WDR37: variants seen among roughly 807,000 people sequenced by gnomAD.
WDR37 encodes WD repeat-containing protein 37.
In WDR37, 19 loss-of-function variants were observed where a neutral mutation model predicts 62.9. The observed-to-expected ratio is 0.30, with a 90% CI of 0.21 to 0.44. The LOEUF (loss-of-function observed/expected upper bound fraction) is 0.44, where lower values mean the gene tolerates loss of function less well. WDR37 is among the 20% of genes least tolerant of loss of function. The pLI is 1.00. For missense variants in WDR37, 474 were observed against 657.6 expected, an observed-to-expected ratio of 0.72 and a Z score of 3.05; for synonymous variants, 250 against 260.9, an observed-to-expected ratio of 0.96 and a Z score of 0.40.
rs1834883991 is a variant in WDR37 at position 1,103,185 on chromosome 10, CTT to C, written c.727-416_727-415del. On this transcript the variant is annotated intron_variant, in intron 9 of 13. Transcript: ENST00000263150. The surrounding 1 kb of genome is among the most constrained non-coding windows in gnomAD (Gnocchi z 6.3). ...ATTCCAAGTATATTTTAAATAGGCT[CTT>C]GAGAATGAAAATGCCTTTTTGTAAT... Among the ~76,000 whole-genome samples, 3 of 152,176 alleles carry C rather than the reference CTT, an allele frequency of 2.0e-5. No homozygotes were observed. In the South Asian group the frequency reaches 6.2e-4, roughly 31 times the overall value.
intron 3 of WDR37, 99 bp from the exon 4 acceptor site, chr10:1,079,912 T>G (rs1047458128): frequency 1.0e-5 from 9 of 877,818 alleles, no homozygotes; most frequent in Non-Finnish European, 1.6e-5. Context: ...TATATAACAC[T>G]AATATATAGC....
Position 1,072,182 on chromosome 10 carries a change from G to C in WDR37, c.27G>C (p.Ser9=). The change falls in exon 2 of 14, where the codon TCG becomes TCC. Residue 9 remains serine, a synonymous_variant. Coordinates refer to ENST00000263150, the MANE Select transcript of WDR37 (RefSeq NM_014023.4). The part of the protein sequence containing the change: MPTESASC[S]TARQTKQKRK... Reference sequence around the variant, plus strand: ...TGCCCACAGAAAGCGCAAGTTGTTCGACTGCTCGCCAAACAAAACAGAAGC... The same window carrying C: ...TGCCCACAGAAAGCGCAAGTTGTTCCACTGCTCGCCAAACAAAACAGAAGC... 6.2e-7 allele frequency: 1 copy of C among 1,614,062 alleles called. No homozygotes were observed. The highest frequency in any genetic ancestry group is 8.5e-7 in the Non-Finnish European group (1 of 1,180,002).
rs772676409 is a variant in WDR37 at position 1,072,205 on chromosome 10, A to G, written c.50A>G (p.Lys17Arg). 1.2e-6 allele frequency: 2 copies of G among 1,614,232 alleles called. No individual in the cohort carries two copies. The highest frequency in any genetic ancestry group is 1.1e-5 in the South Asian group (1 of 91,080). ...SCSTARQTKQ[K>R]RKSHSLSIRR... ...TCGACTGCTCGCCAAACAAAACAGA[A>G]GCGCAAATCCCATAGCCTTTCTATA... Residue 17 changes from lysine (K) to arginine (R), a missense_variant, in exon 2 of 14, where the codon AAG (lysine) becomes AGG (arginine). Coordinates refer to ENST00000263150, the MANE Select transcript of WDR37 (RefSeq NM_014023.4).
intron 11 of WDR37, among the ~76,000 whole-genome samples, chr10:1,110,449 A>C (rs1300513625): frequency 6.6e-6 from 1 of 152,240 alleles, no homozygotes; most frequent in Non-Finnish European, 1.5e-5. Context: ...TGTAGGTTCG[A>C]GCCAATACGA....
chr10:1,065,454 C>T (rs1328159261), intron 1 of WDR37, among the ~76,000 whole-genome samples: 1 of 151,660 alleles, frequency 6.6e-6, no homozygotes, highest in African/African-American at 2.4e-5. Context: ...AATGTTTACC[C>T]CACGAGAAGG....
intron 8 of WDR37, among the ~76,000 whole-genome samples, chr10:1,095,885 C>G (rs1355776421): frequency 6.6e-6 from 1 of 152,174 alleles, no homozygotes; most frequent in Non-Finnish European, 1.5e-5. Context: ...GGAAAATCTA[C>G]TATTTGTACA....
intron 11 of WDR37, among the ~76,000 whole-genome samples, chr10:1,122,568 G>C (rs2131689773): frequency 6.6e-6 from 1 of 152,344 alleles, no homozygotes; most frequent in South Asian, 2.1e-4. Flanking sequence ...GCAGCCCCCT[G>C]GCCGTTGCTG....
intron 11 of WDR37, among the ~76,000 whole-genome samples, chr10:1,114,387 C>G (rs1281774126): frequency 3.3e-5 from 5 of 152,220 alleles, no homozygotes; most frequent in African/African-American, 7.2e-5. Flanking sequence ...CAGCCACCAC[C>G]CTTATCAGTC....
rs1835577902 is a variant in WDR37 at position 1,121,526 on chromosome 10, GCCCATGCTGCTCTCGTAA to G, written c.1104-2688_1104-2671del. ...GTTGATTTTGCAGTCTCTCTCCTCT[GCCCATGCTGCTCTCGTAA>G]CCCGTGCTGCTCTCGTTACCCAGGC... On this transcript the variant is annotated intron_variant, in intron 11 of 13. Coordinates refer to ENST00000263150, the MANE Select transcript of WDR37 (RefSeq NM_014023.4). This position sits in a 1 kb window ranked among gnomAD's most constrained non-coding sequence, Gnocchi z 4.5. Among the ~76,000 whole-genome samples the G allele has an allele frequency of 6.6e-6, 1 of 152,162 alleles. No homozygotes were observed. Among genetic ancestry groups the G allele is most frequent in the South Asian group, 2.1e-4 (1 of 4,826 alleles).
intron 1 of WDR37, among the ~76,000 whole-genome samples, chr10:1,068,408 G>A (rs1054298430): frequency 4.6e-5 from 7 of 150,638 alleles, no homozygotes; most frequent in African/African-American, 1.7e-4. Context: ...AGTGAGCCGA[G>A]ATTGAGCCAC....
intron 2 of WDR37, 40 bp downstream of exon 2, chr10:1,072,333 T>A (rs1188166144): frequency 2.5e-6 from 4 of 1,602,918 alleles, no homozygotes; most frequent in Non-Finnish European, 3.4e-6. Context: ...ATTGATTGAT[T>A]TTTGAGACAG....
intron 9 of WDR37, among the ~76,000 whole-genome samples, chr10:1,098,200 G>A (rs1031136349): frequency 5.9e-5 from 9 of 152,134 alleles, no homozygotes; most frequent in African/African-American, 2.2e-4. Context: ...GCAAAATGAG[G>A]TAGTGGAGGG....
At chr10:1,065,137 A>G (rs1833496805) in intron 1 of WDR37, among the ~76,000 whole-genome samples, 2 of 152,250 alleles carry the variant, frequency 1.3e-5, no homozygotes, top group South Asian at 4.1e-4. Context: ...AATGGACAGC[A>G]AAAATATCGG....
intron 13 of WDR37, among the ~76,000 whole-genome samples, chr10:1,126,729 G>A (rs1042199365): frequency 3.9e-5 from 6 of 152,192 alleles, no homozygotes; most frequent in African/African-American, 1.4e-4. Flanking sequence ...GGTCAGGGAG[G>A]CACGTGCGAA....
In WDR37 at chr10:1,103,686, C is replaced by T. The variant is rs150728900; in HGVS notation, c.811C>T (p.Arg271Cys). 3 of 1,614,136 alleles carry T rather than the reference C, an allele frequency of 1.9e-6. No homozygotes were observed. The highest frequency in any genetic ancestry group is 2.7e-5 in the African/African-American group (2 of 74,948). Reference sequence around the variant, plus strand: ...TGTGTCCAGCGACTGCCCCACCATCCGCGTCCCACTGACATCCCTCAAGAG... The same window carrying T: ...TGTGTCCAGCGACTGCCCCACCATCTGCGTCCCACTGACATCCCTCAAGAG... Reference protein sequence around the residue: ...GDVSSDCPTIRVPLTSLKSHQ... With the variant: ...GDVSSDCPTICVPLTSLKSHQ... The change falls in exon 10 of 14, where the codon CGC becomes TGC. Residue 271 changes from arginine to cysteine, a missense_variant. Transcript: ENST00000263150. This position sits in a 1 kb window ranked among gnomAD's most constrained non-coding sequence, Gnocchi z 6.3.
At position 1,096,183 on chromosome 10, in the gene WDR37, G is replaced by T; in HGVS notation, c.663G>T (p.Gln221His). ...EQLALTASGDQTAHIWRYAVQ... is the reference protein window; with the variant it reads ...EQLALTASGDHTAHIWRYAVQ... Reference sequence around the variant, plus strand: ...TTCTCTCTTCAGCTTCTGGAGATCAGACTGCTCATATCTGGAGATACGCGG... The same window carrying T: ...TTCTCTCTTCAGCTTCTGGAGATCATACTGCTCATATCTGGAGATACGCGG... Residue 221 changes from glutamine (Q) to histidine (H), a missense_variant, in exon 9 of 14, where the codon CAG becomes CAT. Gln to His is a conservative substitution (Grantham distance 24). Coordinates refer to ENST00000263150, the MANE Select transcript of WDR37 (RefSeq NM_014023.4). 6.2e-7 allele frequency: 1 copy of T among 1,614,122 alleles called. No homozygotes were observed. Among genetic ancestry groups the T allele is most frequent in the African/African-American group, 1.3e-5 (1 of 75,050 alleles).
intron 6 of WDR37, among the ~76,000 whole-genome samples, chr10:1,084,988 G>A (rs1834154716): frequency 6.6e-6 from 1 of 152,242 alleles, no homozygotes; most frequent in Non-Finnish European, 1.5e-5. Context: ...TTGAGACGGA[G>A]TCTCGCTCTG....
chr10:1,061,957 T>C (rs1002688046), intron 1 of WDR37, among the ~76,000 whole-genome samples: 2 of 152,072 alleles, frequency 1.3e-5, no homozygotes, highest in African/African-American at 4.8e-5. Context: ...TATGCGGATA[T>C]TCCAAAATCT....
chr10:1,129,541 G>A lies in WDR37; in HGVS notation c.*197G>A. ...TGGTCGTATTTTTTACTTTTGTCTTGTATATGTATGTATATTGGGTCCTCT... is the reference window on the plus strand; with the variant it reads ...TGGTCGTATTTTTTACTTTTGTCTTATATATGTATGTATATTGGGTCCTCT... On this transcript the variant is annotated 3_prime_UTR_variant, in exon 14 of 14. Coordinates refer to ENST00000263150, the MANE Select transcript of WDR37 (RefSeq NM_014023.4). The A allele has an allele frequency of 1.4e-6, 1 of 724,426 alleles. No homozygotes were observed. The highest frequency in any genetic ancestry group is 2.1e-5 in the South Asian group (1 of 48,532). 44.9% of individuals were successfully genotyped at this position (724,426 alleles called of 1,614,324 possible).
Sources: gnomAD v4.1 joint callset for allele counts (sites outside exome capture counted in the v4.1 genomes callset) on GRCh38, gnomAD v4.1.1 for gene constraint, Gnocchi (gnomAD v3.1) non-coding constraint, MANE v1.5 for transcripts, NCBI Gene and HGNC (gene_info 2026-07-23, HGNC 2026-07-21) for gene names.